ROBO1: variants seen among roughly 807,000 people sequenced by gnomAD.
ROBO1 encodes roundabout homolog 1.
A neutral mutation model predicts 195.9 loss-of-function variants in ROBO1; 149 were observed. The ratio of observed to expected loss-of-function variants is 0.76; its 90% CI spans 0.67 to 0.87. The LOEUF (loss-of-function observed/expected upper bound fraction) is 0.87. Among genes scored for constraint, ROBO1 ranks in the 40% least tolerant of loss-of-function variants. The pLI is 0.00. For synonymous variants in ROBO1, 816 were observed against 733.2 expected (o/e 1.11, Z -1.82); for missense variants, 1,933 against 2,068.3 (o/e 0.93, Z 1.27).
chr3:78,605,272 G>C (rs1703402723), intron 29 of ROBO1, among the ~76,000 whole-genome samples: 1 of 152,096 alleles, frequency 6.6e-6, no homozygotes, highest in Non-Finnish European at 1.5e-5. Context: ...CTCTGGGTCG[G>C]TCAATCTGTT....
chr3:78,643,582 G>A (rs919930134), intron 21 of ROBO1, among the ~76,000 whole-genome samples: 2 of 152,120 alleles, frequency 1.3e-5, no homozygotes, highest in Admixed American at 1.3e-4. Flanking sequence ...GTGGATTGTA[G>A]GGTCTGGCAC....
chr3:79,669,353 C>CCAGT (rs1462172577), intron 1 of ROBO1, among the ~76,000 whole-genome samples: 2 of 151,900 alleles, frequency 1.3e-5, no homozygotes, highest in Non-Finnish European at 2.9e-5. Flanking sequence ...CTTTGTCTTC[C>CCAGT]CAGTCTCATA....
chr3:79,056,176 T>C (rs867792958), intron 3 of ROBO1, among the ~76,000 whole-genome samples: 1 of 152,140 alleles, frequency 6.6e-6, no homozygotes, highest in Admixed American at 6.6e-5. Context: ...AAATCTGTTT[T>C]TTACTGTACC....
intron 8 of ROBO1, among the ~76,000 whole-genome samples, chr3:78,709,219 A>G (rs889511920): frequency 1.3e-5 from 2 of 152,180 alleles, no homozygotes; most frequent in African/African-American, 4.8e-5. Context: ...TTCTGTTGTA[A>G]TTATCCCAAA....
At chr3:79,677,422 G>A (rs1233400046) in intron 1 of ROBO1, among the ~76,000 whole-genome samples, 1 of 151,946 alleles carries the variant, frequency 6.6e-6, no homozygotes, top group Non-Finnish European at 1.5e-5. Flanking sequence ...AGGCAAGGAG[G>A]AGAAAGGCAC....
chr3:79,451,424 C>A (rs1283478395), intron 2 of ROBO1, among the ~76,000 whole-genome samples: 1 of 151,936 alleles, frequency 6.6e-6, no homozygotes, highest in Non-Finnish European at 1.5e-5. Context: ...AGAGCCTTAC[C>A]CCCTGTAGGT....
chr3:79,097,966 T>C (rs2079601335), intron 3 of ROBO1, among the ~76,000 whole-genome samples: 1 of 151,752 alleles, frequency 6.6e-6, no homozygotes, highest in Admixed American at 6.6e-5. Context: ...AAGCATGATA[T>C]ATGAATTTGT....
At chr3:79,241,471 T>C (rs2082516074) in intron 2 of ROBO1, among the ~76,000 whole-genome samples, 1 of 152,078 alleles carries the variant, frequency 6.6e-6, no homozygotes, top group Non-Finnish European at 1.5e-5. Flanking sequence ...TTTTTTCATC[T>C]GTAAAACCAG....
intron 4 of ROBO1, among the ~76,000 whole-genome samples, chr3:78,896,844 TG>T (rs1483034475): frequency 6.6e-6 from 1 of 151,988 alleles, no homozygotes; most frequent in African/African-American, 2.4e-5. Flanking sequence ...GGGGGTAGGG[TG>T]GGACAAGAAA....
At chr3:78,606,589 A>G in intron 29 of ROBO1, 144 bp downstream of exon 29, 1 of 779,478 alleles carries the variant, frequency 1.3e-6, no homozygotes, top group Non-Finnish European at 2.2e-6. Flanking sequence ...ACTGTATTAA[A>G]ATTATTCGAG....
intron 1 of ROBO1, among the ~76,000 whole-genome samples, chr3:79,605,825 T>G (rs924148174): frequency 6.6e-6 from 1 of 151,946 alleles, no homozygotes; most frequent in African/African-American, 2.4e-5. Context: ...GATGTGACAA[T>G]TGTCGCCTAA....
chr3:78,812,986 A>G (rs2084788150), intron 4 of ROBO1, among the ~76,000 whole-genome samples: 1 of 152,108 alleles, frequency 6.6e-6, no homozygotes, highest in South Asian at 2.1e-4. Context: ...CCATCTTTGT[A>G]GAATTATAAA....
chr3:79,751,014 T>G (rs1704108203), intron 1 of ROBO1, among the ~76,000 whole-genome samples: 1 of 152,206 alleles, frequency 6.6e-6, no homozygotes, highest in African/African-American at 2.4e-5. Context: ...AATAAATAAT[T>G]TCATGTAGAT....
At position 78,778,016 on chromosome 3, in the gene ROBO1, C is replaced by T. The variant is rs954683011; in HGVS notation, c.500-31116G>A. Among the ~76,000 whole-genome samples the T allele has an allele frequency of 5.3e-5, 8 of 152,106 alleles. No individual in the cohort carries two copies. The East Asian group carries it at 5.8e-4, about 11-fold the overall frequency. On this transcript the variant is annotated intron_variant, in intron 4 of 30. Coordinates refer to ENST00000464233, the MANE Select transcript of ROBO1 (RefSeq NM_002941.4). Reference sequence around the variant, plus strand: ...TATTTTGAGATATGTTCCATCAATACCTATTTTATTGAGAGTTTTTAGCAT... The same window carrying T: ...TATTTTGAGATATGTTCCATCAATATCTATTTTATTGAGAGTTTTTAGCAT...
intron 3 of ROBO1, among the ~76,000 whole-genome samples, chr3:78,996,130 G>A (rs1376321721): frequency 2.0e-5 from 3 of 151,936 alleles, no homozygotes; most frequent in Non-Finnish European, 4.4e-5. Flanking sequence ...TTAAAACAAT[G>A]TGAAATAAAT....
chr3:79,184,306 A>T lies in ROBO1; in HGVS notation c.89-58767T>A, dbSNP rs566789647. Among the ~76,000 whole-genome samples the T allele has an allele frequency of 5.9e-5, 9 of 152,274 alleles. No homozygotes were observed. The East Asian group carries it at 1.5e-3, about 26-fold the overall frequency. On this transcript the variant is annotated intron_variant, in intron 2 of 30. Transcript: ENST00000464233. Reference sequence around the variant, plus strand: ...CTCTTTTTAAAAAGACAATAATCCTATCAACAGAAACTTGAAATGTAGGTC... The same window carrying T: ...CTCTTTTTAAAAAGACAATAATCCTTTCAACAGAAACTTGAAATGTAGGTC...
chr3:79,087,095 A>G (rs2079385054), intron 3 of ROBO1, among the ~76,000 whole-genome samples: 1 of 152,076 alleles, frequency 6.6e-6, no homozygotes, highest in African/African-American at 2.4e-5. Context: ...TTTATTGAAA[A>G]GTGTAGTTAG....
At chr3:78,833,023 T>C (rs192556347) in intron 4 of ROBO1, among the ~76,000 whole-genome samples, 46 of 152,260 alleles carry the variant, frequency 3.0e-4, no homozygotes, top group Admixed American at 1.7e-3. Flanking sequence ...CTAAGGATCT[T>C]GGACTTTATC....
At chr3:78,626,809 TC>T (rs372242942) in intron 26 of ROBO1, among the ~76,000 whole-genome samples, 2,622 of 151,424 alleles carry the variant, frequency 0.017, 64 homozygotes, top group African/African-American at 0.056. Flanking sequence ...ACTAAACTAC[TC>T]AAAACTCATA....
Sources: allele counts gnomAD v4.1 joint callset (sites outside exome capture counted in the v4.1 genomes callset), GRCh38; gene constraint gnomAD v4.1.1; transcripts MANE v1.5; gene names NCBI Gene and HGNC (gene_info 2026-07-23, HGNC 2026-07-21).